Variants in SNX2 observed in about 807,000 individuals in gnomAD.
SNX2 encodes sorting nexin-2.
A neutral mutation model predicts 69.9 loss-of-function variants in SNX2; 25 were observed. That is an observed-to-expected ratio of 0.36 (90% CI 0.26 to 0.50). SNX2 has a LOEUF of 0.50. Among genes scored for constraint, SNX2 ranks in the 20% least tolerant of loss-of-function variants. The pLI is 0.97. For missense variants in SNX2, 551 were observed against 613.3 expected (o/e 0.90, Z 1.07); for synonymous variants, 229 against 200.4 (o/e 1.14, Z -1.20).
chr5:122,823,535 A>G (rs1754071771), intron 11 of SNX2, among the ~76,000 whole-genome samples: 1 of 152,162 alleles, frequency 6.6e-6, no homozygotes, highest in Non-Finnish European at 1.5e-5. Flanking sequence ...TTGAGAACTT[A>G]AGCAAATATT....
intron 1 of SNX2, among the ~76,000 whole-genome samples, chr5:122,784,942 T>C (rs2150001238): frequency 6.6e-6 from 1 of 152,344 alleles, no homozygotes; most frequent in African/African-American, 2.4e-5. Context: ...ACTTTGGAAG[T>C]ATGTATCTTT....
chr5:122,813,462 A>C (rs1044980798), intron 7 of SNX2, among the ~76,000 whole-genome samples: 5 of 152,094 alleles, frequency 3.3e-5, no homozygotes, highest in Admixed American at 2.6e-4. Context: ...ATTCTTCAGA[A>C]TGCTAATATG....
chr5:122,803,670 CTG>C (rs1178230262), intron 6 of SNX2, 57 bp downstream of exon 6: 17 of 1,376,370 alleles, frequency 1.2e-5, no homozygotes, highest in Non-Finnish European at 1.7e-5. Context: ...TCAGTTTTAA[CTG>C]TATAGATTTG....
chr5:122,805,290 CAAAA>C (rs767897080), intron 6 of SNX2, among the ~76,000 whole-genome samples: 50 of 88,262 alleles, frequency 5.7e-4, no homozygotes, highest in African/African-American at 2.0e-3. Context: ...GACTCCATCT[CAAAA>C]AAAAAAAAAA....
rs1033058360 is a variant in SNX2 at position 122,806,146 on chromosome 5, A to G, written c.644-2131A>G. ...TATATATATACACACGCGCGCGCACACACACACACACACACACACACAGCC... is the reference window on the plus strand; with the variant it reads ...TATATATATACACACGCGCGCGCACGCACACACACACACACACACACAGCC... On this transcript the variant is annotated intron_variant, in intron 6 of 14. Transcript: ENST00000379516. Among the ~76,000 whole-genome samples, 472 of 52,536 alleles carry G rather than the reference A, an allele frequency of 9.0e-3. 2 individuals are homozygous for G. The highest frequency in any genetic ancestry group is 0.025 in the African/African-American group (301 of 11,874). 34.5% of individuals were successfully genotyped at this position (52,536 alleles called of 152,430 possible). A position where few individuals can be genotyped will look rare whatever the true frequency, so the allele number is the denominator to read the frequency against.
In SNX2 at chr5:122,808,303, G is replaced by C; in HGVS notation, c.670G>C (p.Glu224Gln). 1 of 1,611,498 alleles carries C rather than the reference G, an allele frequency of 6.2e-7. No homozygotes were observed. The highest frequency in any genetic ancestry group is 8.5e-7 in the Non-Finnish European group (1 of 1,178,966). The change falls in exon 7 of 15, where the codon GAA (glutamate) becomes CAA (glutamine). Residue 224 changes from glutamate to glutamine, a missense_variant. Coordinates refer to ENST00000379516, the MANE Select transcript of SNX2 (RefSeq NM_003100.4). ...GATGACCAAGGTCAAAGTGGGTAAA[G>C]AAGACTCATCATCCACTGAGTTTGT... The part of the protein sequence containing the change: ...VGMTKVKVGK[E>Q]DSSSTEFVEK...
rs1754277471 is a variant in SNX2 at position 122,831,033 on chromosome 5, A to AAAAAT, written c.*1385_*1386insAAAAT. Reference sequence around the variant, plus strand: ...TCAAAAAAAAAAAAAAAAAAAAAAAAGATGACTGGTGTCAGAGCTATTTTT... The same window carrying AAAAAT: ...TCAAAAAAAAAAAAAAAAAAAAAAAAAAAATGATGACTGGTGTCAGAGCTATTTTT... On this transcript the variant is annotated 3_prime_UTR_variant, in exon 15 of 15. Transcript: ENST00000379516. Among the ~76,000 whole-genome samples, 1 of 147,192 alleles carries AAAAAT rather than the reference A, an allele frequency of 6.8e-6. No individual in the cohort carries two copies. Among genetic ancestry groups the AAAAAT allele is most frequent in the Non-Finnish European group, 1.5e-5 (1 of 66,594 alleles).
intron 3 of SNX2, 83 bp from the exon 4 acceptor site, chr5:122,801,786 A>C: frequency 1.1e-6 from 1 of 872,230 alleles, no homozygotes; most frequent in Non-Finnish European, 1.8e-6. Flanking sequence ...TGACTCTTAC[A>C]GAAAATAGAT....
Position 122,799,735 on chromosome 5 carries a change from T to C in SNX2, c.270T>C (p.Pro90=). 2 of 1,613,860 alleles carry C rather than the reference T, an allele frequency of 1.2e-6. No individual in the cohort carries two copies. Among genetic ancestry groups the C allele is most frequent in the Non-Finnish European group, 1.7e-6 (2 of 1,179,794 alleles). ...CTTTGGACAGCCCTGAAAGGGAACC[T>C]ATCCTATCCTCGGAACCTTCTCCTG... The part of the protein sequence containing the change: ...EVSLDSPERE[P]ILSSEPSPAV... Residue 90 remains proline, a synonymous_variant, in exon 3 of 15, where the codon CCT becomes CCC. Coordinates refer to ENST00000379516, the MANE Select transcript of SNX2 (RefSeq NM_003100.4).
chr5:122,827,663 T>C lies in SNX2; in HGVS notation c.1509+17T>C, dbSNP rs1032002348. On this transcript the variant is annotated intron_variant, in intron 14 of 14. Transcript: ENST00000379516. ...CAACAACAGGTAAGCCATTTTTGTT[T>C]ATAACTTAAACTTCTAGAATTTGTT... The C allele has an allele frequency of 1.5e-5, 24 of 1,575,936 alleles. 1 individual carries two copies. The highest frequency in any genetic ancestry group is 6.7e-5 in the East Asian group (3 of 44,618).
At chr5:122,799,583 A>G (rs1354177202) in intron 2 of SNX2, 109 bp from the exon 3 acceptor site, 10 of 613,280 alleles carry the variant, frequency 1.6e-5, no homozygotes, top group Non-Finnish European at 2.6e-5. Context: ...CATTATTTTT[A>G]TATTTGTGGG....
At chr5:122,782,847 A>G (rs1581622930) in intron 1 of SNX2, among the ~76,000 whole-genome samples, 3 of 152,130 alleles carry the variant, frequency 2.0e-5, no homozygotes, top group Non-Finnish European at 4.4e-5. Flanking sequence ...TGTTTTGCTC[A>G]TTTAAAATAT....
rs962752985 is a variant in SNX2, at chr5:122,815,895, G to A, written c.723-1G>A. On this transcript the variant is annotated splice_acceptor_variant, in intron 7 of 14. Coordinates refer to ENST00000379516, the MANE Select transcript of SNX2 (RefSeq NM_003100.4). LOFTEE classifies it high-confidence loss of function. The stretch of plus-strand genomic sequence containing the variant: ...AGGAGCAATTTTACTCTTAAATCTA[G>A]GTATCTTCAAAGAACAGTAAAACAT... 2 of 1,560,604 alleles carry A rather than the reference G, an allele frequency of 1.3e-6. No individual in the cohort carries two copies. Among genetic ancestry groups the A allele is most frequent in the Non-Finnish European group, 1.7e-6 (2 of 1,144,912 alleles).
chr5:122,810,029 G>A (rs1753734019), intron 7 of SNX2, among the ~76,000 whole-genome samples: 1 of 151,788 alleles, frequency 6.6e-6, no homozygotes, highest in African/African-American at 2.4e-5. Context: ...AAGTAGACAT[G>A]GGAGACTTTT....
chr5:122,804,624 C>A (rs1433656237), intron 6 of SNX2, among the ~76,000 whole-genome samples: 1 of 152,094 alleles, frequency 6.6e-6, no homozygotes, highest in Admixed American at 6.5e-5. Context: ...GCTTTGGCGT[C>A]CCAAAGTGCT....
intron 1 of SNX2, among the ~76,000 whole-genome samples, chr5:122,779,845 T>A (rs1752932690): frequency 6.6e-6 from 1 of 152,082 alleles, no homozygotes; most frequent in South Asian, 2.1e-4. Context: ...ATCACCTAGG[T>A]ATTAAGCCCA....
intron 2 of SNX2, among the ~76,000 whole-genome samples, chr5:122,798,622 G>A (rs946988756): frequency 6.6e-6 from 1 of 152,126 alleles, no homozygotes; most frequent in African/African-American, 2.4e-5. Flanking sequence ...TTTCCTTGAG[G>A]TCCTGCCTTC....
intron 12 of SNX2, chr5:122,826,567 T>C (rs1754156520): frequency 7.4e-6 from 4 of 540,010 alleles, no homozygotes; most frequent in Middle Eastern, 9.3e-4. Flanking sequence ...ATATGTATTA[T>C]ATATGGTATT....
At chr5:122,817,447 A>G in intron 10 of SNX2, 74 bp downstream of exon 10, 1 of 952,092 alleles carries the variant, frequency 1.1e-6, no homozygotes, top group Non-Finnish European at 1.5e-6. Context: ...TTTTATGAAA[A>G]TAAATATTCT....
Sources: gnomAD v4.1 joint callset for allele counts (sites outside exome capture counted in the v4.1 genomes callset) on GRCh38, gnomAD v4.1.1 for gene constraint, MANE v1.5 for transcripts, NCBI Gene and HGNC (gene_info 2026-07-23, HGNC 2026-07-21) for gene names.